MAPK8IP1: variants seen among roughly 807,000 people sequenced by gnomAD.
MAPK8IP1 encodes the protein mitogen-activated protein kinase 8 interacting protein 1, also known as C-Jun-amino-terminal kinase-interacting protein 1.
Under a neutral mutation model 72.6 loss-of-function variants are expected in MAPK8IP1, and 17 were observed. The observed-to-expected ratio is 0.23, with a 90% CI of 0.16 to 0.35. The LOEUF (loss-of-function observed/expected upper bound fraction) is 0.35, where lower values mean the gene tolerates loss of function less well. Among genes scored for constraint, MAPK8IP1 ranks in the 10% least tolerant of loss-of-function variants. MAPK8IP1 has a pLI of 1.00. For missense variants in MAPK8IP1, 789 were observed against 1,009.7 expected, an observed-to-expected ratio of 0.78 and a Z score of 2.96; for synonymous variants, 401 against 443.4, an observed-to-expected ratio of 0.90 and a Z score of 1.20.
chr11:45,899,455 T>C (rs1406628875), intron 2 of MAPK8IP1, among the ~76,000 whole-genome samples: 3 of 152,186 alleles, frequency 2.0e-5, no homozygotes, highest in Admixed American at 2.0e-4. Flanking sequence ...ACTCAACTGA[T>C]GAGGGGGCCT....
chr11:45,891,613 G>C (rs1232517360), intron 1 of MAPK8IP1, among the ~76,000 whole-genome samples: 1 of 152,178 alleles, frequency 6.6e-6, no homozygotes, highest in African/African-American at 2.4e-5. Flanking sequence ...GTCTGTGAAG[G>C]ACAGCAAAGG....
intron 2 of MAPK8IP1, 74 bp downstream of exon 2, chr11:45,898,264 A>C (rs2086623085): frequency 1.0e-6 from 1 of 991,080 alleles, no homozygotes; most frequent in Non-Finnish European, 1.6e-6. Context: ...GTATCCCCAT[A>C]GTGACAAAGG....
chr11:45,905,586 C>T (rs530702093), intron 11 of MAPK8IP1, 63 bp from the exon 12 acceptor site: 69 of 1,455,546 alleles, frequency 4.7e-5, no homozygotes, highest in East Asian at 6.8e-5. Flanking sequence ...AACCCTGGGT[C>T]GGGATCCTGT....
At position 45,906,389 on chromosome 11, in the gene MAPK8IP1, CCTGA is replaced by C. The variant is rs1328198306; in HGVS notation, c.*674_*677del. The C allele has an allele frequency of 1.1e-5, 8 of 742,290 alleles. No homozygotes were observed. Among genetic ancestry groups the C allele is most frequent in the Non-Finnish European group, 1.6e-5 (8 of 507,800 alleles). The allele number at this position is 742,290 out of a possible 1,614,324, so 46.0% of individuals were successfully genotyped here. ...CTGTCCCAGCAGAAGAGGGAGGCTT[CCTGA>C]CTGACACAGGCCAGCCCCATCTTGG... On this transcript the variant is annotated 3_prime_UTR_variant, in exon 12 of 12. Coordinates refer to ENST00000241014, the MANE Select transcript of MAPK8IP1 (RefSeq NM_005456.4).
rs2086672559 is a variant in MAPK8IP1 at position 45,903,303 on chromosome 11, T to C, written c.1418-62T>C. 2 of 1,592,898 alleles carry C rather than the reference T, an allele frequency of 1.3e-6. No individual in the cohort carries two copies. Among genetic ancestry groups the C allele is most frequent in the Non-Finnish European group, 1.7e-6 (2 of 1,163,736 alleles). On this transcript the variant is annotated intron_variant, in intron 5 of 11. Coordinates refer to ENST00000241014, the MANE Select transcript of MAPK8IP1 (RefSeq NM_005456.4). This position sits in a 1 kb window ranked among gnomAD's most constrained non-coding sequence, Gnocchi z 6.4. ...TCTGGTTAGGACTGAGGCTTCTACCTGCCCCGCTAAACCTGGATCAGAGCT... is the reference window on the plus strand; with the variant it reads ...TCTGGTTAGGACTGAGGCTTCTACCCGCCCCGCTAAACCTGGATCAGAGCT...
chr11:45,896,670 C>T lies in MAPK8IP1; in HGVS notation c.102-1415C>T, dbSNP rs566039243. 4.2e-4 allele frequency: 590 copies of T among 1,403,972 alleles called. 2 individuals carry two copies. Among genetic ancestry groups the T allele is most frequent in the Middle Eastern group, 2.7e-3 (10 of 3,746 alleles). The allele number at this position is 1,403,972 out of a possible 1,614,324, so 87.0% of individuals were successfully genotyped here. A position where few individuals can be genotyped will look rare whatever the true frequency, so the allele number is the denominator to read the frequency against. On this transcript the variant is annotated intron_variant, in intron 1 of 11. Transcript: ENST00000241014. ...GCGCTGGGAAGAGCTGGGGCTGGGA[C>T]CCGGGTCGGCAGCTGCAGCCTCCTC...
chr11:45,904,846 C>T lies in MAPK8IP1; in HGVS notation c.1893+12C>T. 1 of 1,613,138 alleles carries T rather than the reference C, an allele frequency of 6.2e-7. No homozygotes were observed. Among genetic ancestry groups the T allele is most frequent in the Non-Finnish European group, 8.5e-7 (1 of 1,179,162 alleles). On this transcript the variant is annotated intron_variant, in intron 9 of 11. Coordinates refer to ENST00000241014, the MANE Select transcript of MAPK8IP1 (RefSeq NM_005456.4). The surrounding 1 kb of genome is among the most constrained non-coding windows in gnomAD (Gnocchi z 6.4). ...CCCAGGAGGCCAAGGTGACTTCTTC[C>T]AACCCAGCCCCTTCCTTCCATGGCC...
Position 45,904,645 on chromosome 11 carries a change from C to T in MAPK8IP1, c.1777-73C>T, listed in dbSNP as rs2086688280. 6.3e-7 allele frequency: 1 copy of T among 1,598,436 alleles called. No individual in the cohort carries two copies. The highest frequency in any genetic ancestry group is 1.7e-5 in the Admixed American group (1 of 60,008). ...GCAGGTGTCTAGAGGCAGTAAAGGG[C>T]TCAGGCCCTGGGACAGGAGGGATCA... On this transcript the variant is annotated intron_variant, in intron 8 of 11. Coordinates refer to ENST00000241014, the MANE Select transcript of MAPK8IP1 (RefSeq NM_005456.4). The surrounding 1 kb of genome is among the most constrained non-coding windows in gnomAD (Gnocchi z 6.4).
In MAPK8IP1 at chr11:45,902,563, C is replaced by A; in HGVS notation, c.796C>A (p.Arg266=). ...GGGTCGGGGCCACTCGCATCGAGAC[C>A]GAATCCACTACCAGGCCGATGTGCG... is the stretch of plus-strand genomic sequence containing the variant. ...PGGRGHSHRD[R]IHYQADVRLE... is the part of the protein sequence containing the mutation. Residue 266 remains arginine, a synonymous_variant, in exon 5 of 12, where the codon CGA becomes AGA. Transcript: ENST00000241014. This position sits in a 1 kb window ranked among gnomAD's most constrained non-coding sequence, Gnocchi z 9.3. 6.2e-7 allele frequency: 1 copy of A among 1,612,618 alleles called. No homozygotes were observed. Among genetic ancestry groups the A allele is most frequent in the Non-Finnish European group, 8.5e-7 (1 of 1,179,832 alleles).
rs182110787 is a variant in MAPK8IP1 at position 45,903,819 on chromosome 11, A to G, written c.1494-170A>G. On this transcript the variant is annotated intron_variant, in intron 6 of 11. Transcript: ENST00000241014. This position sits in a 1 kb window ranked among gnomAD's most constrained non-coding sequence, Gnocchi z 6.4. The stretch of plus-strand genomic sequence containing the variant: ...CCTGTGTTTCCTCGATGGCAGATGC[A>G]TGTCTGCTTGACCTTGCTCTCCCCT... Among the ~76,000 whole-genome samples, 1 of 152,092 alleles carries G rather than the reference A, an allele frequency of 6.6e-6. No individual in the cohort carries two copies. Among genetic ancestry groups the G allele is most frequent in the Non-Finnish European group, 1.5e-5 (1 of 68,018 alleles).
Position 45,900,064 on chromosome 11 carries a change from G to T in MAPK8IP1, c.208-74G>T, listed in dbSNP as rs1487677034. 2.1e-6 allele frequency: 2 copies of T among 968,620 alleles called. No homozygotes were observed. The highest frequency in any genetic ancestry group is 2.6e-6 in the Non-Finnish European group (2 of 772,648). 60.0% of individuals were successfully genotyped at this position (968,620 alleles called of 1,614,324 possible). A position where few individuals can be genotyped will look rare whatever the true frequency, so the allele number is the denominator to read the frequency against. On this transcript the variant is annotated intron_variant, in intron 2 of 11. Transcript: ENST00000241014. This position sits in a 1 kb window ranked among gnomAD's most constrained non-coding sequence, Gnocchi z 6.5. ...TTCGCGCCACAGAATGGACTCGCCC[G>T]GGCGGGGGGCGGTGCAAGCGGCCTC... is the stretch of plus-strand genomic sequence containing the variant.
chr11:45,893,298 G>A (rs1206200956), intron 1 of MAPK8IP1, among the ~76,000 whole-genome samples: 2 of 149,048 alleles, frequency 1.3e-5, no homozygotes, highest in Non-Finnish European at 2.9e-5. Context: ...CAGCAAGGCA[G>A]GGGAAAAGGG....
chr11:45,885,842 G>A lies in MAPK8IP1; in HGVS notation c.22G>A (p.Gly8Ser). 4 of 1,439,838 alleles carry A rather than the reference G, an allele frequency of 2.8e-6. No individual in the cohort carries two copies. The highest frequency in any genetic ancestry group is 3.7e-6 in the Non-Finnish European group (4 of 1,094,364). The allele number at this position is 1,439,838 out of a possible 1,614,324, so 89.2% of individuals were successfully genotyped here. ...GAGAATGGCGGAGCGAGAAAGCGGC[G>A]GCCTGGGAGGGGGGGCCGCGTCCCC... MAERESG[G>S]LGGGAASPPA... The change falls in exon 1 of 12, where the codon GGC (glycine) becomes AGC (serine). Residue 8 changes from glycine (G) to serine (S), a missense_variant. This residue lies in a region of MAPK8IP1 where 112 missense variants were observed against 111.8 expected (regional missense o/e 1.00). Transcript: ENST00000241014.
chr11:45,901,295 G>T (rs2086651592), intron 3 of MAPK8IP1, among the ~76,000 whole-genome samples: 1 of 152,090 alleles, frequency 6.6e-6, no homozygotes. Context: ...GTGGGGAGGG[G>T]TCCCAGGGCT....
Position 45,905,542 on chromosome 11 carries a change from G to T in MAPK8IP1, c.2064-107G>T, listed in dbSNP as rs1276592338. The stretch of plus-strand genomic sequence containing the variant: ...CAAGTGGCCCCAGCCAGAGGAACCA[G>T]AGCTGCACTTGGGCCCCAAGGCTCC... On this transcript the variant is annotated intron_variant, in intron 11 of 11. Transcript: ENST00000241014. 3 of 997,376 alleles carry T rather than the reference G, an allele frequency of 3.0e-6. No homozygotes were observed. In the African/African-American group the frequency reaches 4.7e-5, roughly 16 times the overall value. 61.8% of individuals were successfully genotyped at this position (997,376 alleles called of 1,614,324 possible).
intron 3 of MAPK8IP1, among the ~76,000 whole-genome samples, chr11:45,901,652 C>A (rs953152827): frequency 2.0e-5 from 3 of 152,166 alleles, no homozygotes; most frequent in Non-Finnish European, 4.4e-5. Flanking sequence ...AGAGCTCCTG[C>A]TTCTCTTCTC....
In MAPK8IP1 at chr11:45,900,589, C is replaced by T. The variant is rs2086644932; in HGVS notation, c.522+137C>T. The T allele has an allele frequency of 4.0e-6, 4 of 992,870 alleles. No individual in the cohort carries two copies. Among genetic ancestry groups the T allele is most frequent in the South Asian group, 1.6e-5 (1 of 61,194 alleles). 61.5% of individuals were successfully genotyped at this position (992,870 alleles called of 1,614,324 possible). ...CGCCTGCATAGGGGCCGCGGTGGCT[C>T]GCTCCCGGTGTTGGGATCCGAGGAG... On this transcript the variant is annotated intron_variant, in intron 3 of 11. Transcript: ENST00000241014. The surrounding 1 kb of genome is among the most constrained non-coding windows in gnomAD (Gnocchi z 6.5).
At chr11:45,896,123 C>T (rs2134669693) in intron 1 of MAPK8IP1, among the ~76,000 whole-genome samples, 2 of 152,358 alleles carry the variant, frequency 1.3e-5, no homozygotes, top group South Asian at 4.1e-4. Context: ...CACAGCAGCC[C>T]TTCCAGCTCT....
rs868353161 is a variant in MAPK8IP1 at position 45,902,587 on chromosome 11, C to G, written c.820C>G (p.Arg274Gly). ...CCGAATCCACTACCAGGCCGATGTGCGACTAGAGGCCACTGAGGAGATCTA... is the reference window on the plus strand; with the variant it reads ...CCGAATCCACTACCAGGCCGATGTGGGACTAGAGGCCACTGAGGAGATCTA... ...RDRIHYQADV[R>G]LEATEEIYLT... The change falls in exon 5 of 12, where the codon CGA becomes GGA. Residue 274 changes from arginine (R) to glycine (G), a missense_variant. Coordinates refer to ENST00000241014, the MANE Select transcript of MAPK8IP1 (RefSeq NM_005456.4). The surrounding 1 kb of genome is among the most constrained non-coding windows in gnomAD (Gnocchi z 9.3). 11 of 1,612,844 alleles carry G rather than the reference C, an allele frequency of 6.8e-6. No homozygotes were observed. The highest frequency in any genetic ancestry group is 9.3e-6 in the Non-Finnish European group (11 of 1,179,894).
Sources: allele counts gnomAD v4.1 joint callset (sites outside exome capture counted in the v4.1 genomes callset), GRCh38; gene constraint gnomAD v4.1.1; regional missense constraint gnomAD v4.1.1; non-coding constraint Gnocchi (gnomAD v3.1); transcripts MANE v1.5; gene names NCBI Gene and HGNC (gene_info 2026-07-23, HGNC 2026-07-21).